Variants in DAB2IP observed in about 807,000 individuals in gnomAD.
DAB2IP encodes disabled homolog 2-interacting protein.
In DAB2IP, 28 loss-of-function variants were observed where a neutral mutation model predicts 107.2. The observed-to-expected ratio is 0.26, with a 90% CI of 0.19 to 0.36. The LOEUF (loss-of-function observed/expected upper bound fraction) is 0.36, where lower values mean the gene tolerates loss of function less well. DAB2IP is among the 10% of genes least tolerant of loss of function. The pLI, the probability that DAB2IP is intolerant of heterozygous loss-of-function variation, is 1.00. For missense variants in DAB2IP, 1,400 were observed against 1,644.7 expected (o/e 0.85, Z 2.57); for synonymous variants, 755 against 706.4 (o/e 1.07, Z -1.09).
intron 3 of DAB2IP, among the ~76,000 whole-genome samples, chr9:121,756,645 G>A (rs930426945): frequency 3.9e-5 from 6 of 152,236 alleles, no homozygotes; most frequent in South Asian, 4.1e-4. Flanking sequence ...ATGGGAAAGC[G>A]CCCAGAACTG....
At position 121,599,759 on chromosome 9, in the gene DAB2IP, G is replaced by T. The variant is rs1830628790; in HGVS notation, c.40+32531G>T. 6.6e-6 allele frequency among the ~76,000 whole-genome samples: 1 copy of T among 152,028 alleles called. No homozygotes were observed. The highest frequency in any genetic ancestry group is 2.1e-4 in the South Asian group (1 of 4,804). On this transcript the variant is annotated intron_variant, in intron 1 of 16. Transcript: ENST00000259371. The surrounding 1 kb of genome is among the most constrained non-coding windows in gnomAD (Gnocchi z 6.9). The stretch of plus-strand genomic sequence containing the variant: ...GGCAGCGCCCAGCGGCCCGGCCCGC[G>T]CGTAGAGGTAAAAGCTGGGGGCCGC...
intron 1 of DAB2IP, among the ~76,000 whole-genome samples, chr9:121,609,866 C>G (rs1296506079): frequency 6.6e-6 from 1 of 152,220 alleles, no homozygotes. Flanking sequence ...CCCAGCTCTG[C>G]AAGAATCCCA....
chr9:121,758,091 T>G (rs974187036), intron 4 of DAB2IP, among the ~76,000 whole-genome samples: 4 of 152,200 alleles, frequency 2.6e-5, no homozygotes, highest in African/African-American at 7.2e-5. Flanking sequence ...AAGATGGCCC[T>G]GTCTGCTGGT....
chr9:121,616,390 C>T (rs531412595), intron 1 of DAB2IP, among the ~76,000 whole-genome samples: 2 of 152,238 alleles, frequency 1.3e-5, no homozygotes, highest in South Asian at 4.2e-4. Flanking sequence ...GCCTGAGTTC[C>T]TTCTTGGAGT....
chr9:121,630,401 T>C (rs1194831055), intron 1 of DAB2IP, among the ~76,000 whole-genome samples: 1 of 151,816 alleles, frequency 6.6e-6, no homozygotes, highest in East Asian at 2.0e-4. Flanking sequence ...GGCAGGTGCC[T>C]GTAAGCCCAG....
intron 1 of DAB2IP, among the ~76,000 whole-genome samples, chr9:121,585,207 C>T (rs757494347): frequency 1.8e-4 from 28 of 152,194 alleles, no homozygotes; most frequent in Admixed American, 5.9e-4. Flanking sequence ...AACAACACCT[C>T]TGTCCCAGAA....
intron 14 of DAB2IP, among the ~76,000 whole-genome samples, chr9:121,779,723 C>T (rs888941131): frequency 1.3e-5 from 2 of 152,226 alleles, no homozygotes; most frequent in South Asian, 2.1e-4. Context: ...GCGATTGTTT[C>T]GTGTTCTCCT....
intron 1 of DAB2IP, among the ~76,000 whole-genome samples, chr9:121,642,792 C>T (rs1403461256): frequency 1.3e-5 from 2 of 152,142 alleles, no homozygotes; most frequent in East Asian, 3.9e-4. Flanking sequence ...CATCTGAATA[C>T]ACAGATTAGA....
At chr9:121,769,865 G>A (rs952952869) in intron 10 of DAB2IP, among the ~76,000 whole-genome samples, 1 of 152,230 alleles carries the variant, frequency 6.6e-6, no homozygotes, top group African/African-American at 2.4e-5. Flanking sequence ...GTGCAACAGG[G>A]ATTTGAAACT....
intron 14 of DAB2IP, among the ~76,000 whole-genome samples, chr9:121,780,510 G>C (rs1366910423): frequency 6.6e-6 from 1 of 152,210 alleles, no homozygotes; most frequent in African/African-American, 2.4e-5. Flanking sequence ...GGAATCAAGA[G>C]GGCAGGGATG....
chr9:121,618,275 C>A (rs1479019653), intron 1 of DAB2IP, among the ~76,000 whole-genome samples: 3 of 152,142 alleles, frequency 2.0e-5, no homozygotes, highest in Non-Finnish European at 2.9e-5. Flanking sequence ...AGGGTGCTGG[C>A]CCCAGAAGAA....
chr9:121,634,714 A>C lies in DAB2IP; in HGVS notation c.41-43964A>C, dbSNP rs1832019206. On this transcript the variant is annotated intron_variant, in intron 1 of 16. Coordinates refer to the DAB2IP transcript ENST00000259371. This position sits in a 1 kb window ranked among gnomAD's most constrained non-coding sequence, Gnocchi z 4.7. The stretch of plus-strand genomic sequence containing the variant: ...TCCGGGAGATGTAACTGGGTAGCCT[A>C]CCCAGACCCCTGGCCCTGGTGGTCT... Among the ~76,000 whole-genome samples, 1 of 152,106 alleles carries C rather than the reference A, an allele frequency of 6.6e-6. No homozygotes were observed. The highest frequency in any genetic ancestry group is 2.1e-4 in the South Asian group (1 of 4,820).
chr9:121,609,333 G>A (rs757065417), intron 1 of DAB2IP, among the ~76,000 whole-genome samples: 3 of 152,172 alleles, frequency 2.0e-5, no homozygotes, highest in Non-Finnish European at 4.4e-5. Flanking sequence ...GGAGGTAGTG[G>A]CTGAAGTTCT....
rs1833236188 is a variant in DAB2IP, at chr9:121,662,087, TAA to T, written c.124+10189_124+10190del. On this transcript the variant is annotated intron_variant, in intron 1 of 15. Transcript: ENST00000408936. The surrounding 1 kb of genome is among the most constrained non-coding windows in gnomAD (Gnocchi z 4.6). ...TCACCTTTAATCCAGCACCCACCAA[TAA>T]GCTCTGGGATCACTGGGGGGTTATT... Among the ~76,000 whole-genome samples, 2 of 152,124 alleles carry T rather than the reference TAA, an allele frequency of 1.3e-5. No homozygotes were observed. Among genetic ancestry groups the T allele is most frequent in the African/African-American group, 4.8e-5 (2 of 41,416 alleles).
At chr9:121,609,738 C>A (rs1311434013) in intron 1 of DAB2IP, among the ~76,000 whole-genome samples, 1 of 152,230 alleles carries the variant, frequency 6.6e-6, no homozygotes, top group African/African-American at 2.4e-5. Context: ...AACTTCATGA[C>A]AAGTTCCTGG....
chr9:121,750,422 A>G (rs1462440692), intron 3 of DAB2IP, among the ~76,000 whole-genome samples: 1 of 152,136 alleles, frequency 6.6e-6, no homozygotes, highest in African/African-American at 2.4e-5. Flanking sequence ...GCCATGCAGC[A>G]TGTCTTAAAG....
intron 3 of DAB2IP, among the ~76,000 whole-genome samples, chr9:121,719,016 G>A (rs1038996079): frequency 6.6e-6 from 1 of 152,192 alleles, no homozygotes; most frequent in Non-Finnish European, 1.5e-5. Flanking sequence ...GAGGGCACTG[G>A]ATGGGATCTC....
chr9:121,645,514 C>G (rs1832504870), intron 1 of DAB2IP, among the ~76,000 whole-genome samples: 1 of 152,196 alleles, frequency 6.6e-6, no homozygotes, highest in African/African-American at 2.4e-5. Context: ...CCACCCTAAT[C>G]CCCAGCCCCA....
At chr9:121,603,985 C>T (rs1830779137) in intron 1 of DAB2IP, among the ~76,000 whole-genome samples, 1 of 151,916 alleles carries the variant, frequency 6.6e-6, no homozygotes, top group East Asian at 1.9e-4. Context: ...CACCTGGGGG[C>T]AGTCCAGAGG....
Sources: allele counts gnomAD v4.1 joint callset (sites outside exome capture counted in the v4.1 genomes callset), GRCh38; gene constraint gnomAD v4.1.1; non-coding constraint Gnocchi (gnomAD v3.1); transcripts MANE v1.5; gene names NCBI Gene and HGNC (gene_info 2026-07-23, HGNC 2026-07-21).